PTPRD: variants seen among roughly 807,000 people sequenced by gnomAD.
The protein encoded by PTPRD is protein tyrosine phosphatase receptor type D.
PTPRD carries 34 observed loss-of-function variants against 214.5 expected under a neutral mutation model. That is an observed-to-expected ratio of 0.16 (90% CI 0.12 to 0.21). PTPRD has a LOEUF of 0.21. Ranked by LOEUF, PTPRD falls within the 10% of genes least tolerant of loss-of-function variation. PTPRD has a pLI of 1.00. For missense variants in PTPRD, 2,545 were observed against 2,398.7 expected (o/e 1.06, Z -1.27); for synonymous variants, 1,128 against 845.7 (o/e 1.33, Z -5.79).
At chr9:10,367,647 G>A (rs1056569274) in intron 2 of PTPRD, among the ~76,000 whole-genome samples, 9 of 152,102 alleles carry the variant, frequency 5.9e-5, no homozygotes, top group South Asian at 2.1e-4. Context: ...ATGAGAAGGC[G>A]GGGAGAAGAG....
intron 3 of PTPRD, among the ~76,000 whole-genome samples, chr9:10,330,282 G>A (rs1001844451): frequency 2.0e-5 from 3 of 151,822 alleles, no homozygotes; most frequent in African/African-American, 7.2e-5. Context: ...GAGGAACCAT[G>A]TCTGCTGTTA....
intron 9 of PTPRD, among the ~76,000 whole-genome samples, chr9:9,336,011 GA>G (rs962816539): frequency 4.5e-4 from 69 of 151,912 alleles, no homozygotes; most frequent in African/African-American, 1.5e-3. Context: ...GGAATTTCAG[GA>G]AAAAATGCAC....
intron 12 of PTPRD, among the ~76,000 whole-genome samples, chr9:8,681,278 T>C (rs2097544475): frequency 6.6e-6 from 1 of 152,168 alleles, no homozygotes; most frequent in African/African-American, 2.4e-5. Context: ...AAACACATTT[T>C]ATTTACATGT....
chr9:8,483,020 A>G (rs1454074501), intron 30 of PTPRD, among the ~76,000 whole-genome samples: 1 of 152,232 alleles, frequency 6.6e-6, no homozygotes, highest in Non-Finnish European at 1.5e-5. Context: ...ACTCTATGGT[A>G]AGGTCTTTGA....
At chr9:10,225,671 G>C (rs1320653603) in intron 3 of PTPRD, among the ~76,000 whole-genome samples, 1 of 152,018 alleles carries the variant, frequency 6.6e-6, no homozygotes, top group East Asian at 1.9e-4. Flanking sequence ...CTAGGAACAA[G>C]AAAAGTCTAC....
chr9:9,193,870 G>A (rs920946), intron 9 of PTPRD, among the ~76,000 whole-genome samples: 134,031 of 152,026 alleles, frequency 0.88, 59,698 homozygotes, highest in Middle Eastern at 0.97. Context: ...ATTTTAAAAT[G>A]TTTTTTCTCA....
intron 9 of PTPRD, among the ~76,000 whole-genome samples, chr9:9,322,777 T>A (rs1203716762): frequency 6.6e-6 from 1 of 152,150 alleles, no homozygotes; most frequent in Non-Finnish European, 1.5e-5. Context: ...TAATCTGTAC[T>A]TTTGTTGAGG....
chr9:9,676,489 G>T lies in PTPRD; in HGVS notation c.-287+58044C>A, dbSNP rs562044572. ...TTTTATGGCTGCATAGTATTCCATG[G>T]TGTATATGTGCCACATTTTCTTAAT... is the stretch of plus-strand genomic sequence containing the variant. On this transcript the variant is annotated intron_variant, in intron 7 of 45. Transcript: ENST00000381196. Among the ~76,000 whole-genome samples the T allele has an allele frequency of 2.6e-3, 398 of 152,126 alleles. 1 individual carries two copies. Among genetic ancestry groups the T allele is most frequent in the African/African-American group, 9.0e-3 (372 of 41,504 alleles).
chr9:8,796,923 T>C (rs2096443842), intron 11 of PTPRD, among the ~76,000 whole-genome samples: 3 of 152,080 alleles, frequency 2.0e-5, no homozygotes, highest in South Asian at 2.1e-4. Context: ...GTATTTTCCA[T>C]GTTAAAATTT....
At chr9:9,495,512 C>T (rs1223253056) in intron 8 of PTPRD, among the ~76,000 whole-genome samples, 1 of 152,010 alleles carries the variant, frequency 6.6e-6, no homozygotes, top group Non-Finnish European at 1.5e-5. Context: ...CCTATAAAGA[C>T]CCCAGACTCA....
intron 11 of PTPRD, among the ~76,000 whole-genome samples, chr9:8,824,598 A>C (rs562918573): frequency 3.1e-5 from 2 of 63,716 alleles, no homozygotes; most frequent in East Asian, 6.5e-4. Flanking sequence ...GTAAAGCAAA[A>C]TAAGTTATTT....
chr9:8,951,159 AAG>A (rs1335644970), intron 11 of PTPRD, among the ~76,000 whole-genome samples: 15 of 32,510 alleles, frequency 4.6e-4, no homozygotes, highest in Admixed American at 1.5e-3. Context: ...GTGTGTGTGT[AAG>A]AGAGAGAGAG....
intron 8 of PTPRD, among the ~76,000 whole-genome samples, chr9:9,444,552 AG>A (rs2089663489): frequency 6.6e-6 from 1 of 152,192 alleles, no homozygotes; most frequent in African/African-American, 2.4e-5. Context: ...TAATAAACAC[AG>A]ATGTTTTTAT....
At chr9:9,016,709 A>G (rs987634546) in intron 11 of PTPRD, among the ~76,000 whole-genome samples, 1 of 152,198 alleles carries the variant, frequency 6.6e-6, no homozygotes, top group African/African-American at 2.4e-5. Context: ...AAACAACTGT[A>G]GCAGTCTTTG....
At chr9:9,294,451 T>C (rs1197171437) in intron 9 of PTPRD, among the ~76,000 whole-genome samples, 1 of 151,732 alleles carries the variant, frequency 6.6e-6, no homozygotes, top group Non-Finnish European at 1.5e-5. Flanking sequence ...AATTCACATG[T>C]TGAACCTCTG....
intron 9 of PTPRD, among the ~76,000 whole-genome samples, chr9:9,192,396 G>A (rs2099935798): frequency 6.6e-6 from 1 of 152,060 alleles, no homozygotes; most frequent in South Asian, 2.1e-4. Context: ...AGGCTAATGA[G>A]AGACTCAGAA....
Position 8,821,607 on chromosome 9 carries a change from C to G in PTPRD, c.-103-87661G>C, listed in dbSNP as rs142865203. 9.0e-3 allele frequency among the ~76,000 whole-genome samples: 1,377 copies of G among 152,320 alleles called. 13 individuals carry two copies. The highest frequency in any genetic ancestry group is 0.015 in the Non-Finnish European group (1,035 of 68,024). ...CCTCCACTTTGTGAGAAACAACTAA[C>G]TGGCCTGGCTCTTGACTGTTTTAGA... On this transcript the variant is annotated intron_variant, in intron 11 of 45. Coordinates refer to ENST00000381196, the MANE Select transcript of PTPRD (RefSeq NM_002839.4).
At chr9:10,020,340 T>A (rs1202728250) in intron 4 of PTPRD, among the ~76,000 whole-genome samples, 3 of 151,228 alleles carry the variant, frequency 2.0e-5, no homozygotes, top group African/African-American at 7.3e-5. Flanking sequence ...TCTTGCTCTG[T>A]CACCAGGCTG....
At chr9:8,995,891 C>T (rs781391102) in intron 11 of PTPRD, among the ~76,000 whole-genome samples, 1 of 152,090 alleles carries the variant, frequency 6.6e-6, no homozygotes, top group African/African-American at 2.4e-5. Context: ...AGAGCAAAGT[C>T]TCTTCCTTTT....
Sources: allele counts gnomAD v4.1 joint callset (sites outside exome capture counted in the v4.1 genomes callset), GRCh38; gene constraint gnomAD v4.1.1; transcripts MANE v1.5; gene names NCBI Gene and HGNC (gene_info 2026-07-23, HGNC 2026-07-21).